ROCK1: variants seen among roughly 807,000 people sequenced by gnomAD.
ROCK1 encodes rho-associated protein kinase 1.
A neutral mutation model predicts 196.8 loss-of-function variants in ROCK1; 36 were observed. That is an observed-to-expected ratio of 0.18 (90% confidence interval 0.14 to 0.24). The LOEUF (loss-of-function observed/expected upper bound fraction) is 0.24, where lower values mean the gene tolerates loss of function less well. Ranked by LOEUF, ROCK1 falls within the 10% of genes least tolerant of loss-of-function variation. The pLI is 1.00. For missense variants in ROCK1, 920 were observed against 1,562.0 expected (o/e 0.59, Z 6.93); for synonymous variants, 443 against 515.9 (o/e 0.86, Z 1.91).
intron 2 of ROCK1, among the ~76,000 whole-genome samples, chr18:21,056,094 C>G (rs527289840): frequency 1.3e-5 from 2 of 152,262 alleles, no homozygotes; most frequent in South Asian, 4.2e-4. Flanking sequence ...GGTTCCTCCC[C>G]TTCTCTCAGA....
chr18:21,084,605 A>G (rs1051784542), intron 1 of ROCK1, among the ~76,000 whole-genome samples: 2 of 152,238 alleles, frequency 1.3e-5, no homozygotes, highest in Non-Finnish European at 2.9e-5. Context: ...TCAGAAAAGA[A>G]CAAGTGTTAG....
chr18:21,015,410 T>G lies in ROCK1; in HGVS notation c.1410+21A>C, dbSNP rs368128352. On this transcript the variant is annotated intron_variant, in intron 13 of 32. Transcript: ENST00000399799. ...AGGGAAAAATCTCAAAAAGGAAACT[T>G]GATTAGAAAACAAAAAGTACCTCTT... 5.2e-5 allele frequency: 77 copies of G among 1,488,062 alleles called. No individual in the cohort carries two copies. The African/African-American group carries it at 8.4e-4, about 16-fold the overall frequency. The allele number at this position is 1,488,062 out of a possible 1,614,324, so 92.2% of individuals were successfully genotyped here.
intron 25 of ROCK1, chr18:20,968,518 C>A: frequency 2.9e-6 from 1 of 348,654 alleles, no homozygotes; most frequent in Non-Finnish European, 5.1e-6. Flanking sequence ...GTCAGCCAGG[C>A]TGCTCTCGAA....
At chr18:21,069,287 C>A (rs2143549284) in intron 2 of ROCK1, among the ~76,000 whole-genome samples, 1 of 151,920 alleles carries the variant, frequency 6.6e-6, no homozygotes, top group East Asian at 1.9e-4. Context: ...ACTTAGTAAT[C>A]CTGGCATAAA....
intron 23 of ROCK1, 23 bp from the exon 24 acceptor site, chr18:20,969,231 T>G (rs1298402831): frequency 2.1e-6 from 3 of 1,444,138 alleles, no homozygotes; most frequent in Non-Finnish European, 2.9e-6. Flanking sequence ...CACAAAAGTT[T>G]AAGCTCCAGC....
At chr18:20,961,999 G>C (rs1464183883) in intron 27 of ROCK1, among the ~76,000 whole-genome samples, 1 of 151,952 alleles carries the variant, frequency 6.6e-6, no homozygotes, top group Non-Finnish European at 1.5e-5. Flanking sequence ...AGTTTTGTGA[G>C]AGCAAGGACC....
chr18:20,971,369 A>G lies in ROCK1; in HGVS notation c.2655-856T>C, dbSNP rs376617586. 4.0e-5 allele frequency among the ~76,000 whole-genome samples: 6 copies of G among 148,842 alleles called. No individual in the cohort carries two copies. In the South Asian group the frequency reaches 1.3e-3, roughly 32 times the overall value. On this transcript the variant is annotated intron_variant, in intron 22 of 32. Transcript: ENST00000399799. ...ATACACACAGAAAATTCATTAATTC[A>G]CCCAACAGCTATTTACTTGAAGGTT...
chr18:20,973,686 T>C (rs1358643362), intron 22 of ROCK1, among the ~76,000 whole-genome samples: 5 of 152,210 alleles, frequency 3.3e-5, no homozygotes, highest in African/African-American at 1.2e-4. Flanking sequence ...GCAGGGTTTA[T>C]AGGTACTATT....
chr18:20,976,556 C>T (rs1185934316), intron 22 of ROCK1, among the ~76,000 whole-genome samples: 1 of 152,170 alleles, frequency 6.6e-6, no homozygotes, highest in African/African-American at 2.4e-5. Context: ...ATCCTTACAA[C>T]TTACATTAAC....
At chr18:21,067,066 G>T (rs944471308) in intron 2 of ROCK1, among the ~76,000 whole-genome samples, 2 of 152,116 alleles carry the variant, frequency 1.3e-5, no homozygotes, top group Admixed American at 6.5e-5. Flanking sequence ...CAGCTGCAAT[G>T]CATTTTCATA....
rs140153571 is a variant in ROCK1 at position 20,986,561 on chromosome 18, C to T, written c.2304+389G>A. Among the ~76,000 whole-genome samples, 5 of 152,316 alleles carry T rather than the reference C, an allele frequency of 3.3e-5. No individual in the cohort carries two copies. In the East Asian group the frequency reaches 9.6e-4, roughly 29 times the overall value. ...AAAATGTATACCCTGTGCTATCAATCTAAGCCAGGAAAGACTGCAGTTAAA... is the reference window on the plus strand; with the variant it reads ...AAAATGTATACCCTGTGCTATCAATTTAAGCCAGGAAAGACTGCAGTTAAA... On this transcript the variant is annotated intron_variant, in intron 19 of 32. Coordinates refer to ENST00000399799, the MANE Select transcript of ROCK1 (RefSeq NM_005406.3).
intron 2 of ROCK1, among the ~76,000 whole-genome samples, chr18:21,058,604 CT>C (rs1450116681): frequency 6.6e-6 from 1 of 151,994 alleles, no homozygotes; most frequent in African/African-American, 2.4e-5. Flanking sequence ...TCTGATTTTT[CT>C]TTTCTTTTTC....
At chr18:21,026,570 A>T (rs1188704319) in intron 10 of ROCK1, among the ~76,000 whole-genome samples, 1 of 152,166 alleles carries the variant, frequency 6.6e-6, no homozygotes, top group East Asian at 1.9e-4. Context: ...GAGGAAAAAA[A>T]GATAAGTGCC....
In ROCK1 at chr18:21,045,453, G is replaced by T; in HGVS notation, c.429C>A (p.Phe143Leu). The change falls in exon 5 of 33, where the codon TTC (phenylalanine) becomes TTA (leucine). Residue 143 changes from phenylalanine to leucine, a missense_variant. By Grantham distance (22) the Phe-to-Leu change is conservative (BLOSUM62 0). Transcript: ENST00000399799. Reference sequence around the variant, plus strand: ...CCATGTAGAGATAACGATCATCTTGGAATGCATAAAAAAGCTATACAAATA... The same window carrying T: ...CCATGTAGAGATAACGATCATCTTGTAATGCATAAAAAAGCTATACAAATA... ...SPWVVQLFYA[F>L]QDDRYLYMVM... The T allele has an allele frequency of 6.3e-7, 1 of 1,599,280 alleles. No homozygotes were observed.
At chr18:20,980,115 A>C (rs1483609541) in intron 21 of ROCK1, 111 bp from the exon 22 acceptor site, 9 of 1,275,152 alleles carry the variant, frequency 7.1e-6, no homozygotes, top group Admixed American at 3.6e-5. Flanking sequence ...TCCACTCTCA[A>C]GTATTTACCC....
chr18:20,968,884 T>C, intron 24 of ROCK1, 24 bp from the exon 25 acceptor site: 1 of 1,387,346 alleles, frequency 7.2e-7, no homozygotes, highest in Non-Finnish European at 1.0e-6. Context: ...ATATTAAATG[T>C]TATTGTATGG....
chr18:21,023,435 T>C (rs2035930780), intron 11 of ROCK1, among the ~76,000 whole-genome samples, 185 bp downstream of exon 11: 1 of 152,148 alleles, frequency 6.6e-6, no homozygotes, highest in South Asian at 2.1e-4. Flanking sequence ...AAATATATTA[T>C]TCCATTTGAT....
In ROCK1 at chr18:21,020,246, T is replaced by A; in HGVS notation, c.1273-7A>T. 6.5e-7 allele frequency: 1 copy of A among 1,533,214 alleles called. No homozygotes were observed. Among genetic ancestry groups the A allele is most frequent in the Non-Finnish European group, 8.8e-7 (1 of 1,135,350 alleles). The allele number at this position is 1,533,214 out of a possible 1,614,324, so 95.0% of individuals were successfully genotyped here. A position where few individuals can be genotyped will look rare whatever the true frequency, so the allele number is the denominator to read the frequency against. On this transcript the variant is annotated splice_region_variant and splice_polypyrimidine_tract_variant and intron_variant, in intron 11 of 32. Transcript: ENST00000399799. The stretch of plus-strand genomic sequence containing the variant: ...TTTTTTGCAAACTTTCCTGCTTTAA[T>A]TTAAAACAAAAACAAAAACTCATTC...
At chr18:21,050,853 T>G (rs183437251) in intron 2 of ROCK1, among the ~76,000 whole-genome samples, 9 of 152,302 alleles carry the variant, frequency 5.9e-5, no homozygotes, top group African/African-American at 2.2e-4. Context: ...ATCAATTAAT[T>G]CGCTGCACAA....
Sources: gnomAD v4.1 joint callset for allele counts (sites outside exome capture counted in the v4.1 genomes callset) on GRCh38, gnomAD v4.1.1 for gene constraint, MANE v1.5 for transcripts, NCBI Gene and HGNC (gene_info 2026-07-23, HGNC 2026-07-21) for gene names.